Variants in PRKN observed in about 807,000 individuals in gnomAD.
PRKN encodes the protein E3 ubiquitin-protein ligase parkin.
A neutral mutation model predicts 59.5 loss-of-function variants in PRKN; 56 were observed. That is an observed-to-expected ratio of 0.94 (90% CI 0.76 to 1.18). The LOEUF is 1.18. Among genes scored for constraint, PRKN ranks in the 50% most tolerant of loss-of-function variants. The pLI is 0.00. For missense variants in PRKN, 657 were observed against 596.4 expected (o/e 1.10, Z -1.06); for synonymous variants, 250 against 222.1 (o/e 1.13, Z -1.12).
At chr6:162,293,146 T>G (rs530280259) in intron 2 of PRKN, among the ~76,000 whole-genome samples, 1 of 152,214 alleles carries the variant, frequency 6.6e-6, no homozygotes, top group African/African-American at 2.4e-5. Context: ...GAAAATTGAT[T>G]CCACAACATC....
intron 4 of PRKN, among the ~76,000 whole-genome samples, chr6:162,134,127 A>T (rs1317127908): frequency 6.6e-6 from 1 of 152,150 alleles, no homozygotes; most frequent in Non-Finnish European, 1.5e-5. Context: ...TATTTTAGGG[A>T]TGAGAAAATG....
intron 7 of PRKN, among the ~76,000 whole-genome samples, chr6:161,675,475 G>C (rs1444269781): frequency 6.6e-6 from 1 of 152,166 alleles, no homozygotes; most frequent in East Asian, 1.9e-4. Context: ...CCTGTGTTAT[G>C]AAACAGGCAA....
chr6:162,482,725 T>C (rs1203258085), intron 1 of PRKN, among the ~76,000 whole-genome samples: 1 of 152,180 alleles, frequency 6.6e-6, no homozygotes, highest in Non-Finnish European at 1.5e-5. Context: ...CAAGCAAGAA[T>C]AAATATCTAC....
At chr6:162,666,127 A>T (rs1441603795) in intron 1 of PRKN, among the ~76,000 whole-genome samples, 1 of 152,192 alleles carries the variant, frequency 6.6e-6, no homozygotes, top group Non-Finnish European at 1.5e-5. Flanking sequence ...GGCATGGGCA[A>T]AGACTTTTAA....
intron 5 of PRKN, among the ~76,000 whole-genome samples, chr6:162,023,141 G>A (rs540271993): frequency 2.1e-4 from 32 of 151,968 alleles, no homozygotes; most frequent in Admixed American, 3.9e-4. Context: ...ACATACAGAC[G>A]GGCAGGCTGT....
chr6:161,684,494 G>C (rs1206825639), intron 7 of PRKN, among the ~76,000 whole-genome samples: 1 of 152,082 alleles, frequency 6.6e-6, no homozygotes, highest in African/African-American at 2.4e-5. Context: ...TCACATGATA[G>C]AAGTGAAGAA....
At chr6:162,252,969 C>A (rs1779496553) in intron 3 of PRKN, among the ~76,000 whole-genome samples, 1 of 152,228 alleles carries the variant, frequency 6.6e-6, no homozygotes, top group South Asian at 2.1e-4. Context: ...GTGTTAGGTA[C>A]TGCAACAGCC....
At chr6:162,447,179 C>G (rs567204089) in intron 1 of PRKN, among the ~76,000 whole-genome samples, 4 of 152,166 alleles carry the variant, frequency 2.6e-5, no homozygotes, top group Non-Finnish European at 5.9e-5. Context: ...GTTCCCTATT[C>G]TAGGCACCTA....
At chr6:162,201,902 G>C (rs911983009) in intron 3 of PRKN, among the ~76,000 whole-genome samples, 3 of 152,076 alleles carry the variant, frequency 2.0e-5, no homozygotes, top group African/African-American at 7.2e-5. Context: ...AAGAGTAAAA[G>C]GTGAACAAAC....
chr6:161,895,616 CACCTGCTGTTATGCTCCCCAGTGAGGCT>C lies in PRKN; in HGVS notation c.734+77658_734+77685del, dbSNP rs1562372149. On this transcript the variant is annotated intron_variant, in intron 6 of 11. Coordinates refer to ENST00000366898, the MANE Select transcript of PRKN (RefSeq NM_004562.3). ...CTGAGATTCAGGAGCACGCCCACCC[CACCTGCTGTTATGCTCCCCAGTGAGGCT>C]TCTGAGATTCAGGAGCACGCCCACC... Among the ~76,000 whole-genome samples, 36 of 118,376 alleles carry C rather than the reference CACCTGCTGTTATGCTCCCCAGTGAGGCT, an allele frequency of 3.0e-4. 1 individual carries two copies. Among genetic ancestry groups the C allele is most frequent in the African/African-American group, 1.1e-3 (32 of 29,800 alleles). 77.7% of individuals were successfully genotyped at this position (118,376 alleles called of 152,430 possible).
chr6:161,855,863 T>C (rs1470002181), intron 6 of PRKN, among the ~76,000 whole-genome samples: 1 of 152,122 alleles, frequency 6.6e-6, no homozygotes, highest in African/African-American at 2.4e-5. Flanking sequence ...TTATCTAACA[T>C]AAGAAAGTGT....
intron 6 of PRKN, among the ~76,000 whole-genome samples, chr6:161,852,394 A>C (rs1793475817): frequency 6.6e-6 from 1 of 152,086 alleles, no homozygotes; most frequent in African/African-American, 2.4e-5. Flanking sequence ...TTGAGGCTGC[A>C]ATGAGCTATG....
At chr6:162,058,184 G>A (rs539570029) in intron 4 of PRKN, among the ~76,000 whole-genome samples, 9 of 152,172 alleles carry the variant, frequency 5.9e-5, no homozygotes, top group East Asian at 1.9e-4. Context: ...TACACACTTC[G>A]TTTACCAAAA....
At position 161,353,921 on chromosome 6, in the gene PRKN, C is replaced by G. The variant is rs993241957; in HGVS notation, c.1286-3710G>C. ...GCTTGCTTGGTGCGTGGGGAAAAAC[C>G]CCCGCACATTCCGTCACAGAAGTCT... On this transcript the variant is annotated intron_variant, in intron 11 of 11. Coordinates refer to ENST00000366898, the MANE Select transcript of PRKN (RefSeq NM_004562.3). This position sits in a 1 kb window ranked among gnomAD's most constrained non-coding sequence, Gnocchi z 4.8. 3.9e-5 allele frequency among the ~76,000 whole-genome samples: 6 copies of G among 152,118 alleles called. No individual in the cohort carries two copies. The highest frequency in any genetic ancestry group is 1.4e-4 in the African/African-American group (6 of 41,418).
At chr6:162,665,811 C>T (rs2490470) in intron 1 of PRKN, among the ~76,000 whole-genome samples, 139,544 of 152,236 alleles carry the variant, frequency 0.92, 64,124 homozygotes, top group East Asian at 0.98. Flanking sequence ...CAAAACAGCA[C>T]GGTACTGGTA....
intron 2 of PRKN, among the ~76,000 whole-genome samples, chr6:162,441,236 A>T (rs741982): frequency 1.3e-5 from 2 of 151,842 alleles, no homozygotes; most frequent in Non-Finnish European, 2.9e-5. Context: ...CTATGGCATG[A>T]CATTTTTCTC....
At chr6:162,599,867 T>C (rs1781633177) in intron 1 of PRKN, among the ~76,000 whole-genome samples, 1 of 152,182 alleles carries the variant, frequency 6.6e-6, no homozygotes, top group Non-Finnish European at 1.5e-5. Context: ...CTTCACTAGT[T>C]TCTAAAGGTG....
chr6:162,092,250 G>C (rs1583020149), intron 4 of PRKN, among the ~76,000 whole-genome samples: 1 of 152,150 alleles, frequency 6.6e-6, no homozygotes, highest in Non-Finnish European at 1.5e-5. Flanking sequence ...AGCTACTCGG[G>C]AGGCTGAGGC....
At chr6:161,817,795 A>G (rs539367287) in intron 6 of PRKN, among the ~76,000 whole-genome samples, 11 of 152,348 alleles carry the variant, frequency 7.2e-5, no homozygotes, top group African/African-American at 2.4e-4. Context: ...CTACTCCTAC[A>G]GCGTAAGAAA....
Sources: allele counts gnomAD v4.1 joint callset (sites outside exome capture counted in the v4.1 genomes callset), GRCh38; gene constraint gnomAD v4.1.1; non-coding constraint Gnocchi (gnomAD v3.1); transcripts MANE v1.5; gene names NCBI Gene and HGNC (gene_info 2026-07-23, HGNC 2026-07-21).